Variants in LRCH1 observed in about 807,000 individuals in gnomAD.
The protein encoded by LRCH1 is leucine rich repeats and calponin homology domain containing 1.
In LRCH1, 23 loss-of-function variants were observed where a neutral mutation model predicts 94.9. The observed-to-expected ratio is 0.24, with a 90% CI of 0.17 to 0.34. The LOEUF is 0.34. LRCH1 is among the 10% of genes least tolerant of loss of function. LRCH1 has a pLI of 1.00. For synonymous variants in LRCH1, 364 were observed against 354.9 expected (o/e 1.03, Z -0.29); for missense variants, 790 against 945.9 (o/e 0.84, Z 2.16).
At chr13:46,557,167 AT>A (rs60234537) in intron 1 of LRCH1, among the ~76,000 whole-genome samples, 74,956 of 148,198 alleles carry the variant, frequency 0.51, 19,553 homozygotes, top group Admixed American at 0.6. Flanking sequence ...AGTAAAGCAA[AT>A]TTTTTTTTTT....
At chr13:46,657,224 G>T (rs547908322) in intron 2 of LRCH1, among the ~76,000 whole-genome samples, 1 of 150,874 alleles carries the variant, frequency 6.6e-6, no homozygotes, top group Non-Finnish European at 1.5e-5. Flanking sequence ...AGTTTATTCT[G>T]CCAGCCCCAA....
intron 2 of LRCH1, among the ~76,000 whole-genome samples, chr13:46,652,435 T>G (rs2051319651): frequency 6.6e-6 from 1 of 151,944 alleles, no homozygotes; most frequent in Non-Finnish European, 1.5e-5. Context: ...CCTAGCAGGT[T>G]TTTAAGTAGC....
At chr13:46,748,731 G>A (rs1874008482), downstream of LRCH1, among the ~76,000 whole-genome samples, 1 of 152,152 alleles carries the variant, frequency 6.6e-6, no homozygotes, top group Non-Finnish European at 1.5e-5. Flanking sequence ...CACCTGATAC[G>A]CCATTGACAA....
chr13:46,712,558 A>G lies in LRCH1; in HGVS notation c.1615A>G (p.Thr539Ala). Reference sequence around the variant, plus strand: ...GAACTCCCCTGCAGTCTCTCCTACCACAAACAGCACAGCTCCATTTGGCCT... The same window carrying G: ...GAACTCCCCTGCAGTCTCTCCTACCGCAAACAGCACAGCTCCATTTGGCCT... ...RENSPAVSPT[T>A]NSTAPFGLKP... The change falls in exon 15 of 20, where the codon ACA becomes GCA. Residue 539 changes from threonine (T) to alanine (A), a missense_variant. Coordinates refer to ENST00000389797, the MANE Select transcript of LRCH1 (RefSeq NM_001164211.2). 6.2e-7 allele frequency: 1 copy of G among 1,614,002 alleles called. No individual in the cohort carries two copies. The highest frequency in any genetic ancestry group is 8.5e-7 in the Non-Finnish European group (1 of 1,179,880).
At chr13:46,723,163 G>T (rs1872660227) in intron 16 of LRCH1, 58 bp from the exon 17 acceptor site, 1 of 885,402 alleles carries the variant, frequency 1.1e-6, no homozygotes, top group Non-Finnish European at 1.8e-6. Context: ...ATTTTAATAT[G>T]AATAGCCCTA....
chr13:46,632,707 A>G (rs895157567), intron 1 of LRCH1, among the ~76,000 whole-genome samples: 51 of 152,350 alleles, frequency 3.3e-4, no homozygotes, highest in African/African-American at 1.2e-3. Flanking sequence ...TTTAAAAAAA[A>G]TATGAGCAAC....
chr13:46,658,543 A>G (rs1216862), intron 2 of LRCH1, among the ~76,000 whole-genome samples: 116,709 of 152,160 alleles, frequency 0.77, 44,963 homozygotes, highest in East Asian at 0.91. Context: ...GCAGTGGTGC[A>G]ATTACGGCTC....
intron 17 of LRCH1, among the ~76,000 whole-genome samples, chr13:46,728,259 A>G (rs906956465): frequency 6.6e-5 from 10 of 151,390 alleles, no homozygotes; most frequent in Non-Finnish European, 1.5e-4. Flanking sequence ...TCTGTCACCC[A>G]GGCTGGAGTG....
chr13:46,707,228 G>A (rs1871810546), intron 13 of LRCH1, among the ~76,000 whole-genome samples: 1 of 151,982 alleles, frequency 6.6e-6, no homozygotes, highest in Admixed American at 6.6e-5. Context: ...TGATTTTTAT[G>A]ACCTTGAAAT....
At chr13:46,661,355 A>G (rs1395590586) in intron 2 of LRCH1, among the ~76,000 whole-genome samples, 2 of 152,240 alleles carry the variant, frequency 1.3e-5, no homozygotes, top group Non-Finnish European at 2.9e-5. Context: ...GTGAATATAA[A>G]TAAAATAATC....
chr13:46,721,506 C>T (rs781058740), intron 16 of LRCH1, among the ~76,000 whole-genome samples: 18 of 152,224 alleles, frequency 1.2e-4, no homozygotes, highest in South Asian at 4.1e-4. Context: ...TTCTTCCATG[C>T]GTCTTAATTT....
chr13:46,723,693 G>A (rs566034173), intron 17 of LRCH1, among the ~76,000 whole-genome samples: 4 of 152,108 alleles, frequency 2.6e-5, no homozygotes, highest in Admixed American at 2.6e-4. Flanking sequence ...CCAGCTACTC[G>A]GGAGGCTGAG....
Position 46,642,021 on chromosome 13 carries a change from A to T in LRCH1, c.308-8180A>T, listed in dbSNP as rs558981642. ...TGCCTAGGTATGTTTGCACAGATAG[A>T]GCTGTGGTGGCCCAGCTCCACGCTG... is the stretch of plus-strand genomic sequence containing the variant. On this transcript the variant is annotated intron_variant, in intron 1 of 19. Coordinates refer to ENST00000389797, the MANE Select transcript of LRCH1 (RefSeq NM_001164211.2). 1.7e-4 allele frequency among the ~76,000 whole-genome samples: 26 copies of T among 152,306 alleles called. No homozygotes were observed. The East Asian group carries it at 5.0e-3, about 29-fold the overall frequency.
intron 19 of LRCH1, among the ~76,000 whole-genome samples, chr13:46,738,357 A>G (rs1415769949): frequency 6.6e-6 from 1 of 152,248 alleles, no homozygotes; most frequent in Non-Finnish European, 1.5e-5. Context: ...GATTGTGTCA[A>G]TGTAAGTGGA....
At chr13:46,654,106 T>G (rs1417371703) in intron 2 of LRCH1, among the ~76,000 whole-genome samples, 1 of 152,256 alleles carries the variant, frequency 6.6e-6, no homozygotes, top group East Asian at 1.9e-4. Context: ...TAATTGTATC[T>G]AGAAAATACC....
At chr13:46,558,396 A>G (rs142741372) in intron 1 of LRCH1, among the ~76,000 whole-genome samples, 131 of 151,888 alleles carry the variant, frequency 8.6e-4, no homozygotes, top group Middle Eastern at 3.4e-3. Flanking sequence ...AGAAGTGCCT[A>G]TGAATATTCT....
At position 46,685,966 on chromosome 13, in the gene LRCH1, A is replaced by T. The variant is rs541705938; in HGVS notation, c.747A>T (p.Pro249=). ...DFSCNKVLVI[P]ICFREMKQLQ... ...CCTGCAACAAAGTGCTCGTGATTCC[A>T]ATTTGTTTTAGAGAGATGAAGCAGC... Residue 249 remains proline (P), a synonymous_variant, in exon 5 of 20, where the codon CCA becomes CCT. Coordinates refer to ENST00000389797, the MANE Select transcript of LRCH1 (RefSeq NM_001164211.2). 6.2e-7 allele frequency: 1 copy of T among 1,610,992 alleles called. No homozygotes were observed. The highest frequency in any genetic ancestry group is 1.3e-5 in the African/African-American group (1 of 74,814).
At chr13:46,566,690 C>G (rs1211728429) in intron 1 of LRCH1, among the ~76,000 whole-genome samples, 1 of 152,154 alleles carries the variant, frequency 6.6e-6, no homozygotes, top group Non-Finnish European at 1.5e-5. Flanking sequence ...ATATTTAGAG[C>G]TAGAGGAAGA....
At chr13:46,562,994 C>G (rs1039482034) in intron 1 of LRCH1, among the ~76,000 whole-genome samples, 1 of 152,182 alleles carries the variant, frequency 6.6e-6, no homozygotes, top group Admixed American at 6.5e-5. Context: ...TCCCTAGAGT[C>G]ACACTTTATT....
Sources: allele counts gnomAD v4.1 joint callset (sites outside exome capture counted in the v4.1 genomes callset), GRCh38; gene constraint gnomAD v4.1.1; transcripts MANE v1.5; gene names NCBI Gene and HGNC (gene_info 2026-07-23, HGNC 2026-07-21).